The following PALM2AKAP2 variants were observed in gnomAD, a reference collection of about 807,000 sequenced individuals.
PALM2AKAP2 encodes the protein PALM2-AKAP2 fusion protein.
Under a neutral mutation model 71.5 loss-of-function variants are expected in PALM2AKAP2, and 37 were observed. That is an observed-to-expected ratio of 0.52 (90% confidence interval 0.40 to 0.68). The LOEUF (loss-of-function observed/expected upper bound fraction) is 0.68. PALM2AKAP2 is among the 30% of genes least tolerant of loss of function. The pLI, the probability that PALM2AKAP2 is intolerant of heterozygous loss-of-function variation, is 0.00. For synonymous variants in PALM2AKAP2, 468 were observed against 478.8 expected (o/e 0.98, Z 0.29); for missense variants, 1,224 against 1,191.8 (o/e 1.03, Z -0.40).
chr9:109,930,909 GAGATACA>G (rs1188381643), intron 5 of PALM2AKAP2, among the ~76,000 whole-genome samples: 1 of 152,186 alleles, frequency 6.6e-6, no homozygotes, highest in South Asian at 2.1e-4. Flanking sequence ...CAGGTGAGCA[GAGATACA>G]AGGTCCATTT....
chr9:109,805,613 A>G (rs145021393), intron 1 of PALM2AKAP2, among the ~76,000 whole-genome samples: 198 of 152,312 alleles, frequency 1.3e-3, no homozygotes, highest in African/African-American at 4.7e-3. Context: ...TCAATGCAAG[A>G]TAAGGAAAAA....
rs142160008 is a variant in PALM2AKAP2 at position 109,962,896 on chromosome 9, G to A, written c.496+30868G>A. Among the ~76,000 whole-genome samples the A allele has an allele frequency of 2.7e-3, 405 of 152,184 alleles. 1 individual carries two copies. The highest frequency in any genetic ancestry group is 9.2e-3 in the African/African-American group (384 of 41,520). ...TGACCTCAGGTGATGCACCCACCTC[G>A]GCCTCCCAACAAATGTTTTAACATA... is the stretch of plus-strand genomic sequence containing the variant. On this transcript the variant is annotated intron_variant, in intron 6 of 9. Transcript: ENST00000302798.
At chr9:110,082,944 T>C (rs1263915437) in intron 1 of PALM2AKAP2, among the ~76,000 whole-genome samples, 1 of 152,050 alleles carries the variant, frequency 6.6e-6, no homozygotes, top group Non-Finnish European at 1.5e-5. Context: ...GAGTTCGAGA[T>C]CACCCTGACC....
intron 1 of PALM2AKAP2, among the ~76,000 whole-genome samples, chr9:109,751,864 G>A (rs1828890548): frequency 6.6e-6 from 1 of 152,068 alleles, no homozygotes; most frequent in African/African-American, 2.4e-5. Context: ...GAGGGAATAT[G>A]GGGAGAATAG....
intron 1 of PALM2AKAP2, among the ~76,000 whole-genome samples, chr9:109,824,909 GA>G (rs1828103878): frequency 6.6e-6 from 1 of 152,208 alleles, no homozygotes; most frequent in African/African-American, 2.4e-5. Context: ...AGTAAGGAAA[GA>G]AGGTTTTGAT....
At chr9:110,161,254 C>T (rs1416112254) in intron 3 of PALM2AKAP2, among the ~76,000 whole-genome samples, 1 of 152,130 alleles carries the variant, frequency 6.6e-6, no homozygotes, top group Non-Finnish European at 1.5e-5. Context: ...TGTGTGATCC[C>T]ACCTAACTAG....
intron 1 of PALM2AKAP2, among the ~76,000 whole-genome samples, chr9:109,676,202 T>C (rs961066475): frequency 1.3e-5 from 2 of 152,194 alleles, no homozygotes; most frequent in African/African-American, 2.4e-5. Context: ...TGCTCCTTCA[T>C]CTGTATTATT....
intron 1 of PALM2AKAP2, among the ~76,000 whole-genome samples, chr9:109,857,155 T>A (rs927274928): frequency 3.9e-5 from 6 of 152,280 alleles, no homozygotes; most frequent in African/African-American, 1.4e-4. Context: ...CCCTTCCTCC[T>A]CCTGTCCTCC....
chr9:110,044,961 G>A (rs1833572823), upstream of PALM2AKAP2, among the ~76,000 whole-genome samples: 1 of 152,166 alleles, frequency 6.6e-6, no homozygotes, highest in South Asian at 2.1e-4. Flanking sequence ...AGTTTGGGGA[G>A]AGAGGGAGAA....
intron 6 of PALM2AKAP2, among the ~76,000 whole-genome samples, chr9:109,940,945 G>T (rs1831345577): frequency 6.6e-6 from 1 of 152,294 alleles, no homozygotes; most frequent in South Asian, 2.1e-4. Flanking sequence ...GCTGGCAGGG[G>T]TCGGCAAAAT....
At chr9:109,644,777 A>G (rs1827125062) in intron 1 of PALM2AKAP2, among the ~76,000 whole-genome samples, 2 of 152,212 alleles carry the variant, frequency 1.3e-5, no homozygotes, top group South Asian at 4.1e-4. Flanking sequence ...GGGCAAGGGA[A>G]AAATGCTGCC....
intron 2 of PALM2AKAP2, among the ~76,000 whole-genome samples, chr9:109,871,377 T>G (rs936895625): frequency 6.6e-6 from 1 of 152,160 alleles, no homozygotes; most frequent in Non-Finnish European, 1.5e-5. Context: ...TAAACTCAGA[T>G]GTATTTTTAA....
At chr9:109,878,807 A>ATTG (rs1829775729) in intron 2 of PALM2AKAP2, among the ~76,000 whole-genome samples, 1 of 152,112 alleles carries the variant, frequency 6.6e-6, no homozygotes, top group African/African-American at 2.4e-5. Context: ...GCATGATCTC[A>ATTG]GCCCACTGCA....
chr9:109,889,543 A>G (rs1159534974), intron 3 of PALM2AKAP2, among the ~76,000 whole-genome samples: 1 of 152,160 alleles, frequency 6.6e-6, no homozygotes, highest in Non-Finnish European at 1.5e-5. Context: ...CTATCCTCCA[A>G]GGACCACACA....
At chr9:109,691,881 CATATATATATATATATAT>C (rs1184403919) in intron 1 of PALM2AKAP2, among the ~76,000 whole-genome samples, 2 of 46,514 alleles carry the variant, frequency 4.3e-5, no homozygotes, top group African/African-American at 1.3e-4. Context: ...CACACACACA[CATATATATATATATATAT>C]ATACACACAC....
At chr9:110,084,716 C>T (rs753542785) in intron 1 of PALM2AKAP2, among the ~76,000 whole-genome samples, 1 of 151,998 alleles carries the variant, frequency 6.6e-6, no homozygotes, top group Non-Finnish European at 1.5e-5. Context: ...CACGTGCTAC[C>T]ATACTTTGTT....
intron 1 of PALM2AKAP2, among the ~76,000 whole-genome samples, chr9:109,781,757 C>T (rs552184709): frequency 1.3e-5 from 2 of 152,158 alleles, no homozygotes; most frequent in Non-Finnish European, 2.9e-5. Context: ...CATGGTTTGC[C>T]TATTAGGTAA....
intron 1 of PALM2AKAP2, among the ~76,000 whole-genome samples, chr9:109,780,782 G>A (rs1439236613): frequency 6.6e-6 from 1 of 152,152 alleles, no homozygotes; most frequent in African/African-American, 2.4e-5. Flanking sequence ...CTTGCTGCTG[G>A]GCTTTGGGGA....
intron 2 of PALM2AKAP2, among the ~76,000 whole-genome samples, chr9:109,869,027 A>G (rs1269499984): frequency 1.3e-5 from 2 of 152,256 alleles, no homozygotes; most frequent in South Asian, 2.1e-4. Flanking sequence ...TAAGAGACCA[A>G]CATGTACTAA....
Sources: allele counts gnomAD v4.1 joint callset (sites outside exome capture counted in the v4.1 genomes callset), GRCh38; gene constraint gnomAD v4.1.1; transcripts MANE v1.5; gene names NCBI Gene and HGNC (gene_info 2026-07-23, HGNC 2026-07-21).